KCNH5: variants seen among roughly 807,000 people sequenced by gnomAD.
KCNH5 encodes the protein voltage-gated delayed rectifier potassium channel KCNH5.
A neutral mutation model predicts 96.1 loss-of-function variants in KCNH5; 46 were observed. The ratio of observed to expected loss-of-function variants is 0.48; its 90% CI spans 0.38 to 0.61. The LOEUF (loss-of-function observed/expected upper bound fraction) is 0.61, where lower values mean the gene tolerates loss of function less well. KCNH5 is among the 20% of genes least tolerant of loss of function. The pLI, the probability that KCNH5 is intolerant of heterozygous loss-of-function variation, is 0.00. For missense variants in KCNH5, 907 were observed against 1,225.8 expected (o/e 0.74, Z 3.88); for synonymous variants, 439 against 449.8 (o/e 0.98, Z 0.30).
chr14:62,781,332 G>T (rs887818796), intron 9 of KCNH5, among the ~76,000 whole-genome samples: 4 of 152,160 alleles, frequency 2.6e-5, no homozygotes, highest in African/African-American at 9.7e-5. Context: ...CAGGACCACA[G>T]GACTGAGGTG....
intron 8 of KCNH5, among the ~76,000 whole-genome samples, chr14:62,832,680 G>A (rs1016004148): frequency 7.9e-5 from 12 of 152,010 alleles, no homozygotes; most frequent in Admixed American, 3.3e-4. Flanking sequence ...AAGAAACTCC[G>A]TCCTGTTTTC....
chr14:62,803,379 A>T (rs1886704357), intron 8 of KCNH5, among the ~76,000 whole-genome samples: 1 of 152,108 alleles, frequency 6.6e-6, no homozygotes, highest in African/African-American at 2.4e-5. Context: ...TGGCAGACTA[A>T]CTCCACTCTT....
At chr14:62,807,524 G>A (rs1238764090) in intron 8 of KCNH5, among the ~76,000 whole-genome samples, 3 of 152,044 alleles carry the variant, frequency 2.0e-5, no homozygotes, top group African/African-American at 7.2e-5. Flanking sequence ...TCTAAATTAT[G>A]CAGGTCAGAT....
intron 6 of KCNH5, among the ~76,000 whole-genome samples, chr14:62,978,147 G>A (rs1255979007): frequency 6.6e-6 from 1 of 152,184 alleles, no homozygotes; most frequent in Admixed American, 6.5e-5. Flanking sequence ...TAGCTCTACA[G>A]AAAGTTTTTT....
At chr14:62,988,775 G>A (rs1230785285) in intron 4 of KCNH5, among the ~76,000 whole-genome samples, 3 of 151,998 alleles carry the variant, frequency 2.0e-5, no homozygotes, top group Non-Finnish European at 4.4e-5. Context: ...CAATCTCTAT[G>A]ACAAATTGAG....
intron 10 of KCNH5, 42 bp downstream of exon 10, chr14:62,779,686 A>G: frequency 6.6e-7 from 1 of 1,516,284 alleles, no homozygotes; most frequent in Non-Finnish European, 9.0e-7. Context: ...ATTAATTAAT[A>G]CTCTGGACAC....
intron 2 of KCNH5, among the ~76,000 whole-genome samples, chr14:63,009,034 AAAAG>A (rs1481411896): frequency 1.3e-5 from 2 of 152,144 alleles, no homozygotes; most frequent in Non-Finnish European, 2.9e-5. Context: ...TTGTAGTCTT[AAAAG>A]AAAGAAAGAA....
intron 3 of KCNH5, among the ~76,000 whole-genome samples, chr14:63,003,103 G>C (rs887989795): frequency 6.6e-6 from 1 of 152,124 alleles, no homozygotes; most frequent in Non-Finnish European, 1.5e-5. Flanking sequence ...TGAACAGAAA[G>C]AGATGATGTT....
chr14:62,709,213 A>C (rs1341927571), intron 10 of KCNH5, among the ~76,000 whole-genome samples: 6 of 126,266 alleles, frequency 4.8e-5, no homozygotes. Context: ...CGCCTGGGCG[A>C]CAGAACGAGA....
intron 10 of KCNH5, among the ~76,000 whole-genome samples, chr14:62,778,653 G>C (rs954489374): frequency 6.6e-6 from 1 of 152,126 alleles, no homozygotes; most frequent in Non-Finnish European, 1.5e-5. Flanking sequence ...TAGGTCTATT[G>C]AGCATACGTA....
At chr14:62,804,727 TG>T (rs1273323704) in intron 8 of KCNH5, among the ~76,000 whole-genome samples, 1 of 152,130 alleles carries the variant, frequency 6.6e-6, no homozygotes, top group Non-Finnish European at 1.5e-5. Flanking sequence ...ATCTGTGAAA[TG>T]GGGATAATGA....
intron 4 of KCNH5, among the ~76,000 whole-genome samples, chr14:62,991,784 C>T (rs906211116): frequency 6.6e-6 from 1 of 151,852 alleles, no homozygotes; most frequent in African/African-American, 2.4e-5. Context: ...CAAACCCCTG[C>T]CAAAAATGTT....
At chr14:62,978,413 C>T (rs1189367592) in intron 6 of KCNH5, among the ~76,000 whole-genome samples, 3 of 152,188 alleles carry the variant, frequency 2.0e-5, no homozygotes, top group African/African-American at 7.2e-5. Context: ...AACGTAGTTT[C>T]GGTCTTTGCA....
chr14:62,944,122 C>A (rs1212129415), intron 7 of KCNH5, among the ~76,000 whole-genome samples: 3 of 152,076 alleles, frequency 2.0e-5, no homozygotes, highest in Non-Finnish European at 4.4e-5. Context: ...GAGCCCACAT[C>A]CAACTTAGCA....
chr14:62,982,126 C>A (rs767736184), intron 5 of KCNH5, among the ~76,000 whole-genome samples: 26 of 152,048 alleles, frequency 1.7e-4, no homozygotes, highest in Non-Finnish European at 3.1e-4. Context: ...GTCAGGAGAT[C>A]GAGACCATCC....
chr14:62,858,364 T>C (rs573722006), intron 7 of KCNH5, among the ~76,000 whole-genome samples: 1 of 152,320 alleles, frequency 6.6e-6, no homozygotes, highest in Admixed American at 6.5e-5. Flanking sequence ...AGTTTCCCAT[T>C]GACCTTAATC....
chr14:62,855,083 G>A (rs1433778256), intron 7 of KCNH5, among the ~76,000 whole-genome samples: 1 of 151,772 alleles, frequency 6.6e-6, no homozygotes, highest in Non-Finnish European at 1.5e-5. Context: ...CCTGCTCTTG[G>A]AATCTAGTTT....
At chr14:62,916,196 C>G (rs1889272359) in intron 7 of KCNH5, among the ~76,000 whole-genome samples, 1 of 152,094 alleles carries the variant, frequency 6.6e-6, no homozygotes, top group Non-Finnish European at 1.5e-5. Context: ...TCGTGATCTG[C>G]CTGCCTCAGC....
intron 7 of KCNH5, among the ~76,000 whole-genome samples, chr14:62,873,498 C>T (rs1207033601): frequency 6.6e-6 from 1 of 152,066 alleles, no homozygotes; most frequent in Non-Finnish European, 1.5e-5. Context: ...ATATATTATA[C>T]CCACTTGAGC....
Sources: gnomAD v4.1 joint callset for allele counts (sites outside exome capture counted in the v4.1 genomes callset) on GRCh38, gnomAD v4.1.1 for gene constraint, MANE v1.5 for transcripts, NCBI Gene and HGNC (gene_info 2026-07-23, HGNC 2026-07-21) for gene names.